The following GAB2 variants were observed in gnomAD, a reference collection of about 807,000 sequenced individuals.
The protein encoded by GAB2 is GRB2 associated binding protein 2, also known as GRB2-associated-binding protein 2.
A neutral mutation model predicts 65.5 loss-of-function variants in GAB2; 26 were observed. That is an observed-to-expected ratio of 0.40 (90% confidence interval 0.29 to 0.55). GAB2 has a LOEUF of 0.55. Ranked by LOEUF, GAB2 falls within the 20% of genes least tolerant of loss-of-function variation. The pLI is 0.53. For missense variants in GAB2, 884 were observed against 875.8 expected (o/e 1.01, Z -0.12); for synonymous variants, 321 against 329.6 (o/e 0.97, Z 0.28).
intron 2 of GAB2, among the ~76,000 whole-genome samples, chr11:78,259,698 G>C (rs1865683850): frequency 6.6e-6 from 1 of 152,120 alleles, no homozygotes; most frequent in Non-Finnish European, 1.5e-5. Flanking sequence ...AGGGTCCCCA[G>C]AGTCCAGTCT....
intron 2 of GAB2, among the ~76,000 whole-genome samples, chr11:78,265,201 C>CATATATAT (rs1239114080): frequency 3.2e-4 from 8 of 25,054 alleles, no homozygotes; most frequent in Non-Finnish European, 7.5e-4. Flanking sequence ...CCTTCTATAC[C>CATATATAT]ACATATATAT....
intron 2 of GAB2, among the ~76,000 whole-genome samples, chr11:78,269,006 T>G (rs892235284): frequency 6.6e-6 from 1 of 151,842 alleles, no homozygotes; most frequent in Non-Finnish European, 1.5e-5. Context: ...GCCTGATATT[T>G]CAGGGTTATT....
Position 78,233,040 on chromosome 11 carries a change from G to GTTTTTTTTTTTTTTTTTTTTTTTT in GAB2, c.621-5990_621-5989insAAAAAAAAAAAAAAAAAAAAAAAA, listed in dbSNP as rs372693456. Among the ~76,000 whole-genome samples the GTTTTTTTTTTTTTTTTTTTTTTTT allele has an allele frequency of 1.5e-5, 2 of 131,986 alleles. 1 individual carries two copies. Among genetic ancestry groups the GTTTTTTTTTTTTTTTTTTTTTTTT allele is most frequent in the African/African-American group, 6.0e-5 (2 of 33,284 alleles). 86.6% of individuals were successfully genotyped at this position (131,986 alleles called of 152,430 possible). A position where few individuals can be genotyped will look rare whatever the true frequency, so the allele number is the denominator to read the frequency against. On this transcript the variant is annotated intron_variant, in intron 3 of 9. Transcript: ENST00000361507. ...ACTTACCAATACCTGGCACTGTTAAGTTTTTTTTTTTTTTTTGGTGACAAG... is the reference window on the plus strand; with the variant it reads ...ACTTACCAATACCTGGCACTGTTAAGTTTTTTTTTTTTTTTTTTTTTTTTTTTTTTTTTTTTTTTTGGTGACAAG...
intron 1 of GAB2, among the ~76,000 whole-genome samples, chr11:78,401,327 A>T (rs1395460658): frequency 6.6e-6 from 1 of 152,226 alleles, no homozygotes; most frequent in Non-Finnish European, 1.5e-5. Flanking sequence ...GGCAACTAGC[A>T]CTAGACTTTC....
chr11:78,223,143 T>C (rs998853692), intron 6 of GAB2, among the ~76,000 whole-genome samples: 2 of 152,178 alleles, frequency 1.3e-5, no homozygotes, highest in African/African-American at 4.8e-5. Flanking sequence ...GACGAGGACC[T>C]TGCCTGGTCT....
intron 2 of GAB2, 76 bp downstream of exon 2, chr11:78,280,525 C>A: frequency 8.4e-7 from 1 of 1,184,656 alleles, no homozygotes. Context: ...TTAGCTAGAG[C>A]CTGCTCTCAA....
chr11:78,301,642 A>C (rs1463924029), intron 1 of GAB2, among the ~76,000 whole-genome samples: 1 of 152,182 alleles, frequency 6.6e-6, no homozygotes, highest in Non-Finnish European at 1.5e-5. Context: ...CTTTAGTGGT[A>C]TCTTTTAAAG....
chr11:78,340,009 GT>G (rs993030039), intron 1 of GAB2, among the ~76,000 whole-genome samples: 2 of 152,160 alleles, frequency 1.3e-5, no homozygotes, highest in African/African-American at 2.4e-5. Context: ...AGAGAAAATT[GT>G]TTTTTAAATG....
intron 1 of GAB2, among the ~76,000 whole-genome samples, chr11:78,284,986 T>C (rs1590999098): frequency 6.6e-6 from 1 of 152,068 alleles, no homozygotes; most frequent in Non-Finnish European, 1.5e-5. Flanking sequence ...GAAATGAAAA[T>C]TGAGGTATAG....
intron 1 of GAB2, among the ~76,000 whole-genome samples, chr11:78,302,923 T>C (rs144920847): frequency 7.2e-5 from 11 of 152,380 alleles, no homozygotes; most frequent in Non-Finnish European, 1.3e-4. Context: ...ACTATTATTC[T>C]AAGTGAATTA....
Position 78,220,380 on chromosome 11 carries a change from G to A in GAB2, c.1826C>T (p.Thr609Ile), listed in dbSNP as rs1273937165. Reference protein sequence around the residue: ...GTNSPAPKKSTGSVDYLALDF... With the variant: ...GTNSPAPKKSIGSVDYLALDF... ...CAGGGCCAGATAATCAACGCTGCCG[G>A]TGCTCTTCTTAGGGGCAGGACTGTT... Residue 609 changes from threonine to isoleucine, a missense_variant, in exon 9 of 10, where the codon ACC becomes ATC. By Grantham distance (89) the Thr-to-Ile change is moderately conservative. Coordinates refer to ENST00000361507, the MANE Select transcript of GAB2 (RefSeq NM_080491.3). 3.1e-6 allele frequency: 5 copies of A among 1,612,664 alleles called. No individual in the cohort carries two copies. Among genetic ancestry groups the A allele is most frequent in the Non-Finnish European group, 4.2e-6 (5 of 1,179,150 alleles).
intron 1 of GAB2, among the ~76,000 whole-genome samples, chr11:78,407,705 T>C (rs1389982671): frequency 1.4e-5 from 1 of 70,110 alleles, no homozygotes; most frequent in African/African-American, 5.5e-5. Flanking sequence ...AAGAAAGAGA[T>C]GGCATTTTCC....
At chr11:78,253,384 C>T (rs533522530) in intron 2 of GAB2, among the ~76,000 whole-genome samples, 20 of 152,178 alleles carry the variant, frequency 1.3e-4, no homozygotes, top group East Asian at 1.2e-3. Context: ...CTCGAACTCC[C>T]GGGCTCAAGC....
chr11:78,371,878 T>A (rs1006634442), intron 1 of GAB2, among the ~76,000 whole-genome samples: 7 of 152,218 alleles, frequency 4.6e-5, no homozygotes, highest in African/African-American at 1.7e-4. Flanking sequence ...CCAATCCCAG[T>A]TCCATCTCTT....
rs751533828 is a variant in GAB2 at position 78,267,857 on chromosome 11, C to CAAAAAAAAA, written c.376+12735_376+12743dup. On this transcript the variant is annotated intron_variant, in intron 2 of 9. Transcript: ENST00000361507. Reference sequence around the variant, plus strand: ...TGGGTGATAGAGCGAGACTCCGTCTCAAAAAAAAAAAAAAAAAAAAAAAAG... The same window carrying CAAAAAAAAA: ...TGGGTGATAGAGCGAGACTCCGTCTCAAAAAAAAAAAAAAAAAAAAAAAAAAAAAAAAAG... Among the ~76,000 whole-genome samples, 26 of 32,798 alleles carry CAAAAAAAAA rather than the reference C, an allele frequency of 7.9e-4. 2 individuals carry two copies. Among genetic ancestry groups the CAAAAAAAAA allele is most frequent in the South Asian group, 3.2e-3 (2 of 634 alleles). The allele number at this position is 32,798 out of a possible 152,430, so 21.5% of individuals were successfully genotyped here.
At chr11:78,406,582 T>C (rs537393479) in intron 1 of GAB2, among the ~76,000 whole-genome samples, 1 of 152,296 alleles carries the variant, frequency 6.6e-6, no homozygotes, top group South Asian at 2.1e-4. Flanking sequence ...TTCGCCATGT[T>C]GGCCAGGCTG....
chr11:78,246,094 T>G (rs1473144124), intron 3 of GAB2, among the ~76,000 whole-genome samples: 1 of 150,980 alleles, frequency 6.6e-6, no homozygotes, highest in African/African-American at 2.5e-5. Flanking sequence ...CATGCCTGGC[T>G]AATTTTTTTG....
At chr11:78,294,491 G>A (rs562207488) in intron 1 of GAB2, among the ~76,000 whole-genome samples, 44 of 152,242 alleles carry the variant, frequency 2.9e-4, no homozygotes, top group Non-Finnish European at 4.4e-4. Flanking sequence ...GAATCGCCAC[G>A]CTGACTTCTA....
At chr11:78,239,616 TCA>T (rs1865073589) in intron 3 of GAB2, among the ~76,000 whole-genome samples, 1 of 152,100 alleles carries the variant, frequency 6.6e-6, no homozygotes, top group Non-Finnish European at 1.5e-5. Context: ...CTTGGGATGG[TCA>T]CACAGAGAAC....
Sources: allele counts gnomAD v4.1 joint callset (sites outside exome capture counted in the v4.1 genomes callset), GRCh38; gene constraint gnomAD v4.1.1; transcripts MANE v1.5; gene names NCBI Gene and HGNC (gene_info 2026-07-23, HGNC 2026-07-21).